The following JAML variants were observed in gnomAD, a reference collection of about 807,000 sequenced individuals.
JAML encodes junction adhesion molecule like.
JAML carries 25 observed loss-of-function variants against 39.3 expected under a neutral mutation model. The observed-to-expected ratio is 0.64, with a 90% CI of 0.46 to 0.89. JAML has a LOEUF of 0.89. Among genes scored for constraint, JAML ranks in the 40% least tolerant of loss-of-function variants. The probability of loss-of-function intolerance (pLI) is 0.00; values close to 1 mark genes in which losing one functional copy is unlikely to be tolerated. For missense variants in JAML, 440 were observed against 486.9 expected (o/e 0.90, Z 0.91); for synonymous variants, 162 against 179.2 (o/e 0.90, Z 0.77).
intron 1 of JAML, among the ~76,000 whole-genome samples, chr11:118,219,922 C>T (rs917408845): frequency 1.3e-5 from 2 of 152,252 alleles, no homozygotes; most frequent in Non-Finnish European, 2.9e-5. Flanking sequence ...CAGTTTTCAA[C>T]TGAAACAAAC....
intron 3 of JAML, among the ~76,000 whole-genome samples, chr11:118,211,904 G>A (rs1280982889): frequency 6.6e-6 from 1 of 152,092 alleles, no homozygotes; most frequent in African/African-American, 2.4e-5. Context: ...CACATACATG[G>A]AGCAGTGAAA....
rs1277556704 is a variant in JAML, at chr11:118,210,589, C to T, written c.322G>A (p.Glu108Lys). 1 of 1,614,236 alleles carries T rather than the reference C, an allele frequency of 6.2e-7. No homozygotes were observed. Among genetic ancestry groups the T allele is most frequent in the Non-Finnish European group, 8.5e-7 (1 of 1,180,030 alleles). Reference sequence around the variant, plus strand: ...CAGATATAGGTTCCCTGGTCAGCCTCTTGCACATCTTGGAGCAGGAGAGAG... The same window carrying T: ...CAGATATAGGTTCCCTGGTCAGCCTTTTGCACATCTTGGAGCAGGAGAGAG... ...DGSLLLQDVQ[E>K]ADQGTYICEI... Residue 108 changes from glutamate (E) to lysine (K), a missense_variant, in exon 4 of 10, where the codon GAG (glutamate) becomes AAG (lysine). Glu to Lys is a moderately conservative substitution (Grantham distance 56). Coordinates refer to ENST00000356289, the MANE Select transcript of JAML (RefSeq NM_001098526.2).
chr11:118,200,215 C>T (rs1311317734), intron 7 of JAML, among the ~76,000 whole-genome samples: 1 of 152,068 alleles, frequency 6.6e-6, no homozygotes, highest in African/African-American at 2.4e-5. Context: ...TGAATTATGC[C>T]CTACTGAGGC....
intron 1 of JAML, among the ~76,000 whole-genome samples, chr11:118,216,909 C>A (rs966459054): frequency 6.6e-6 from 1 of 152,186 alleles, no homozygotes; most frequent in Non-Finnish European, 1.5e-5. Context: ...TTGCCCCATA[C>A]ATACATGGAT....
At chr11:118,204,750 C>CA (rs1948882338) in intron 5 of JAML, 1 of 152,136 alleles carries the variant, frequency 6.6e-6, no homozygotes, top group Non-Finnish European at 1.5e-5. Flanking sequence ...TATTATTTTA[C>CA]ATGTATCTCC....
intron 7 of JAML, 43 bp downstream of exon 7, chr11:118,200,431 C>T: frequency 2.5e-6 from 4 of 1,608,494 alleles, no homozygotes; most frequent in Non-Finnish European, 3.4e-6. Context: ...GGCAGCCTTG[C>T]ACCCCCAGCC....
chr11:118,195,895 G>A (rs906439604), intron 9 of JAML, among the ~76,000 whole-genome samples: 4 of 151,216 alleles, frequency 2.6e-5, no homozygotes, highest in Middle Eastern at 3.5e-3. Context: ...GCAGTGGCGC[G>A]ATCTTAGCTC....
intron 1 of JAML, among the ~76,000 whole-genome samples, chr11:118,215,514 A>AT (rs536537334): frequency 0.069 from 10,019 of 144,638 alleles, 1,061 homozygotes; most frequent in African/African-American, 0.23. Flanking sequence ...CACACTTGCT[A>AT]TTTTTTTTTT....
intron 5 of JAML, 50 bp from the exon 6 acceptor site, chr11:118,203,715 G>T: frequency 6.7e-7 from 1 of 1,490,828 alleles, no homozygotes; most frequent in Non-Finnish European, 9.4e-7. Flanking sequence ...GGAGTGGAGC[G>T]GGGAGCAGAG....
Position 118,212,525 on chromosome 11 carries a change from G to A in JAML, c.80C>T (p.Pro27Leu), listed in dbSNP as rs150593418. 3.5e-5 allele frequency: 56 copies of A among 1,613,958 alleles called. No homozygotes were observed. Among genetic ancestry groups the A allele is most frequent in the Middle Eastern group, 3.3e-4 (2 of 6,082 alleles). ...ACCCACATGGACTGTTAGCTCAGGCGGGGAAACATTCAAGTCATTCAGGCC... is the reference window on the plus strand; with the variant it reads ...ACCCACATGGACTGTTAGCTCAGGCAGGGAAACATTCAAGTCATTCAGGCC... Reference protein sequence around the residue: ...SLGLNDLNVSPPELTVHVGDS... With the variant: ...SLGLNDLNVSLPELTVHVGDS... Residue 27 changes from proline to leucine, a missense_variant, in exon 3 of 10, where the codon CCG (proline) becomes CTG (leucine). Coordinates refer to ENST00000356289, the MANE Select transcript of JAML (RefSeq NM_001098526.2).
chr11:118,208,267 G>C (rs1352607539), intron 4 of JAML, among the ~76,000 whole-genome samples: 1 of 151,974 alleles, frequency 6.6e-6, no homozygotes, highest in Non-Finnish European at 1.5e-5. Flanking sequence ...GAATCCTTGG[G>C]CACAGGCATC....
chr11:118,222,195 C>T lies in JAML; in HGVS notation c.-21+2746G>A, dbSNP rs1949216725. On this transcript the variant is annotated intron_variant, in intron 1 of 9. Coordinates refer to ENST00000356289, the MANE Select transcript of JAML (RefSeq NM_001098526.2). The surrounding 1 kb of genome is among the most constrained non-coding windows in gnomAD (Gnocchi z 4.2). Reference sequence around the variant, plus strand: ...CTTTGAGAGGCCAAGGTGGACAGATCGCTTGAGCCCAGGAGTTTGAGACCA... The same window carrying T: ...CTTTGAGAGGCCAAGGTGGACAGATTGCTTGAGCCCAGGAGTTTGAGACCA... Among the ~76,000 whole-genome samples the T allele has an allele frequency of 6.6e-6, 1 of 151,872 alleles. No homozygotes were observed. Among genetic ancestry groups the T allele is most frequent in the South Asian group, 2.1e-4 (1 of 4,820 alleles).
intron 4 of JAML, 26 bp from the exon 5 acceptor site, chr11:118,206,017 C>A: frequency 1.3e-6 from 2 of 1,567,394 alleles, no homozygotes; most frequent in South Asian, 2.2e-5. Context: ...TAAATCAAGT[C>A]AGACTCAAGT....
Position 118,212,429 on chromosome 11 carries a change from A to G in JAML, c.176T>C (p.Leu59Pro). The G allele has an allele frequency of 6.2e-7, 1 of 1,614,098 alleles. No homozygotes were observed. The highest frequency in any genetic ancestry group is 2.2e-5 in the East Asian group (1 of 44,884). ...TACCTTGGCGTGCTCTCCTGGTGAC[A>G]GAGTCCAGTCTATCTTGAATATACA... ...DKCIFKIDWT[L>P]SPGEHAKDEY... The change falls in exon 3 of 10, where the codon CTG becomes CCG. Residue 59 changes from leucine to proline, a missense_variant. Transcript: ENST00000356289.
In JAML at chr11:118,224,954, C is replaced by G. The variant is rs773300919; in HGVS notation, c.-34G>C. ...GCAACTGCTTACCCAAGATGAAGAG[C>G]ACCCAGGGGAGGCAATGCACTGAAA... On this transcript the variant is annotated 5_prime_UTR_variant, in exon 1 of 10. Transcript: ENST00000356289. 5.3e-5 allele frequency: 8 copies of G among 152,220 alleles called. No homozygotes were observed. Among genetic ancestry groups the G allele is most frequent in the Non-Finnish European group, 8.8e-5 (6 of 68,068 alleles). 9.4% of individuals were successfully genotyped at this position (152,220 alleles called of 1,614,324 possible).
chr11:118,197,184 A>C, intron 8 of JAML: 1 of 233,218 alleles, frequency 4.3e-6, no homozygotes, highest in Non-Finnish European at 8.6e-6. Flanking sequence ...AATTGTCATC[A>C]TCTCCCTCAG....
Position 118,203,453 on chromosome 11 carries a change from C to A in JAML, c.747G>T (p.Leu249=). 2 of 1,614,168 alleles carry A rather than the reference C, an allele frequency of 1.2e-6. No homozygotes were observed. Among genetic ancestry groups the A allele is most frequent in the South Asian group, 2.2e-5 (2 of 91,082 alleles). The change falls in exon 6 of 10, where the codon CTG becomes CTT. Residue 249 remains leucine, a synonymous_variant. Coordinates refer to ENST00000356289, the MANE Select transcript of JAML (RefSeq NM_001098526.2). ...GNLVFKKTIV[L]HVSPEEPRTL... ...TTCGAGGCTCTTCCGGGCTGACATG[C>A]AGCACAATGGTTTTCTTGAACACCA... is the stretch of plus-strand genomic sequence containing the variant.
In JAML at chr11:118,194,159, G is replaced by C. The variant is rs1948602997; in HGVS notation, c.*166C>G. 3.1e-6 allele frequency: 2 copies of C among 638,662 alleles called. No homozygotes were observed. Among genetic ancestry groups the C allele is most frequent in the African/African-American group, 3.6e-5 (2 of 55,052 alleles). The allele number at this position is 638,662 out of a possible 1,614,324, so 39.6% of individuals were successfully genotyped here. A position where few individuals can be genotyped will look rare whatever the true frequency, so the allele number is the denominator to read the frequency against. ...AGGCCTGTTCCTCCAGAGCTGTCCA[G>C]TCTCTCTGCCAGGCTCCAAATTCTC... On this transcript the variant is annotated 3_prime_UTR_variant, in exon 10 of 10. Transcript: ENST00000356289.
intron 8 of JAML, 81 bp downstream of exon 8, chr11:118,197,917 G>T: frequency 7.8e-7 from 1 of 1,288,154 alleles, no homozygotes; most frequent in South Asian, 1.2e-5. Flanking sequence ...GACATACAAT[G>T]GGTAAGATAT....
Sources: gnomAD v4.1 joint callset for allele counts (sites outside exome capture counted in the v4.1 genomes callset) on GRCh38, gnomAD v4.1.1 for gene constraint, Gnocchi (gnomAD v3.1) non-coding constraint, MANE v1.5 for transcripts, NCBI Gene and HGNC (gene_info 2026-07-23, HGNC 2026-07-21) for gene names.